Variants in MVB12B observed in about 807,000 individuals in gnomAD.
MVB12B encodes the protein multivesicular body subunit 12B.
A neutral mutation model predicts 41.6 loss-of-function variants in MVB12B; 16 were observed. That is an observed-to-expected ratio of 0.38 (90% CI 0.26 to 0.58). The LOEUF (loss-of-function observed/expected upper bound fraction) is 0.58. Among genes scored for constraint, MVB12B ranks in the 20% least tolerant of loss-of-function variants. MVB12B has a pLI of 0.62. For missense variants in MVB12B, 274 were observed against 380.2 expected (o/e 0.72, Z 2.32); for synonymous variants, 133 against 139.7 (o/e 0.95, Z 0.34).
intron 2 of MVB12B, among the ~76,000 whole-genome samples, chr9:126,366,902 A>G: frequency 6.6e-6 from 1 of 152,162 alleles, no homozygotes; most frequent in East Asian, 1.9e-4. Context: ...TGACCGGCTG[A>G]CACCTCAACC....
intron 9 of MVB12B, among the ~76,000 whole-genome samples, chr9:126,484,482 AGGTC>A (rs1177396645): frequency 8.6e-5 from 13 of 151,676 alleles, no homozygotes; most frequent in Admixed American, 2.0e-4. Flanking sequence ...GTGCTTCATG[AGGTC>A]AGGGTACCTT....
chr9:126,429,257 G>A (rs1418735621), intron 7 of MVB12B, among the ~76,000 whole-genome samples: 1 of 152,090 alleles, frequency 6.6e-6, no homozygotes, highest in East Asian at 1.9e-4. Context: ...ACAAAATCAA[G>A]TATAAAGAAA....
intron 7 of MVB12B, among the ~76,000 whole-genome samples, chr9:126,441,791 A>G (rs1564332043): frequency 6.6e-6 from 1 of 152,236 alleles, no homozygotes; most frequent in Non-Finnish European, 1.5e-5. Context: ...TAGAATATTT[A>G]GATGTAATTT....
Position 126,391,363 on chromosome 9 carries a change from G to A in MVB12B, c.410-703G>A, listed in dbSNP as rs959193782. ...TGATCTGGGAGGCCTGACACCCAGA[G>A]GCAGTGTTTCAGCATCCTGGGGATC... On this transcript the variant is annotated intron_variant, in intron 4 of 9. Coordinates refer to ENST00000361171, the MANE Select transcript of MVB12B (RefSeq NM_033446.3). The surrounding 1 kb of genome is among the most constrained non-coding windows in gnomAD (Gnocchi z 4.4). 6.6e-6 allele frequency among the ~76,000 whole-genome samples: 1 copy of A among 152,228 alleles called. No homozygotes were observed. Among genetic ancestry groups the A allele is most frequent in the Non-Finnish European group, 1.5e-5 (1 of 68,038 alleles).
At chr9:126,461,788 G>C (rs1171668924) in intron 7 of MVB12B, among the ~76,000 whole-genome samples, 1 of 152,156 alleles carries the variant, frequency 6.6e-6, no homozygotes, top group Non-Finnish European at 1.5e-5. Flanking sequence ...GGGTGGGCTG[G>C]TGGGTGTCCA....
At chr9:126,491,316 A>G (rs981691795) in intron 9 of MVB12B, among the ~76,000 whole-genome samples, 6 of 152,258 alleles carry the variant, frequency 3.9e-5, no homozygotes, top group Non-Finnish European at 5.9e-5. Context: ...TTTTGTATCA[A>G]TAATGAAATG....
intron 7 of MVB12B, among the ~76,000 whole-genome samples, chr9:126,479,878 T>G (rs1471357857): frequency 6.6e-6 from 1 of 152,260 alleles, no homozygotes; most frequent in African/African-American, 2.4e-5. Context: ...GAACGTAGCA[T>G]GAGCCATTCG....
chr9:126,388,916 A>T (rs1173951365), intron 4 of MVB12B, among the ~76,000 whole-genome samples: 1 of 152,004 alleles, frequency 6.6e-6, no homozygotes, highest in Non-Finnish European at 1.5e-5. Context: ...TAAAATTTGC[A>T]TTGGTGTTCG....
At chr9:126,361,832 C>T (rs142104079) in intron 2 of MVB12B, among the ~76,000 whole-genome samples, 218 of 150,246 alleles carry the variant, frequency 1.5e-3, no homozygotes, top group Middle Eastern at 6.9e-3. Context: ...GAGAATCACC[C>T]GAGCCCGGGA....
Position 126,486,340 on chromosome 9 carries a change from C to T in MVB12B, c.873+2308C>T, listed in dbSNP as rs1833618696. On this transcript the variant is annotated intron_variant, in intron 9 of 9. Coordinates refer to ENST00000361171, the MANE Select transcript of MVB12B (RefSeq NM_033446.3). This position sits in a 1 kb window ranked among gnomAD's most constrained non-coding sequence, Gnocchi z 4.7. Reference sequence around the variant, plus strand: ...GACAGCCCATTTGCATGGGGCCCTGCGTGTGGTGCAGCCCAGGGTATGTGA... The same window carrying T: ...GACAGCCCATTTGCATGGGGCCCTGTGTGTGGTGCAGCCCAGGGTATGTGA... Among the ~76,000 whole-genome samples the T allele has an allele frequency of 1.3e-5, 2 of 152,156 alleles. No individual in the cohort carries two copies. Among genetic ancestry groups the T allele is most frequent in the South Asian group, 2.1e-4 (1 of 4,834 alleles).
chr9:126,496,790 T>C (rs1833845104), intron 9 of MVB12B, among the ~76,000 whole-genome samples: 1 of 152,108 alleles, frequency 6.6e-6, no homozygotes. Flanking sequence ...TGGGAATCAC[T>C]TGCCCTGCTC....
In MVB12B at chr9:126,349,686, GTTTA is replaced by G. The variant is rs547633441; in HGVS notation, c.204+9060_204+9063del. ...AGAGAGTCTATTGTGTGGGTTAATA[GTTTA>G]TTTCTTTTTACTGATAAATAGTATT... On this transcript the variant is annotated intron_variant, in intron 2 of 9. Transcript: ENST00000361171. Among the ~76,000 whole-genome samples, 14 of 152,262 alleles carry G rather than the reference GTTTA, an allele frequency of 9.2e-5. No individual in the cohort carries two copies. In the South Asian group the frequency reaches 2.9e-3, roughly 32 times the overall value.
At chr9:126,344,041 T>C (rs546834263) in intron 2 of MVB12B, among the ~76,000 whole-genome samples, 2 of 147,576 alleles carry the variant, frequency 1.4e-5, no homozygotes, top group Non-Finnish European at 3.0e-5. Flanking sequence ...AATATACTTT[T>C]CTTGGTAAAA....
intron 5 of MVB12B, among the ~76,000 whole-genome samples, chr9:126,393,235 G>C (rs760395840): frequency 7.9e-5 from 12 of 152,234 alleles, no homozygotes; most frequent in Non-Finnish European, 1.8e-4. Context: ...CATCACAGAG[G>C]AGTTGGGGAG....
chr9:126,420,132 TC>T (rs1340567312), intron 6 of MVB12B, among the ~76,000 whole-genome samples: 1 of 152,182 alleles, frequency 6.6e-6, no homozygotes, highest in East Asian at 1.9e-4. Context: ...AATATATTGT[TC>T]CTTCTTTTCA....
At chr9:126,479,990 G>C (rs1833493673) in intron 7 of MVB12B, among the ~76,000 whole-genome samples, 1 of 152,030 alleles carries the variant, frequency 6.6e-6, no homozygotes, top group Non-Finnish European at 1.5e-5. Flanking sequence ...TTCTGTGTTA[G>C]GACTGAGAAA....
chr9:126,337,291 T>C (rs1010386949), intron 1 of MVB12B, among the ~76,000 whole-genome samples: 1 of 152,150 alleles, frequency 6.6e-6, no homozygotes, highest in Admixed American at 6.5e-5. Context: ...TGGATCTCCC[T>C]CATTAGGCCT....
At chr9:126,371,316 T>C (rs981436423) in intron 2 of MVB12B, among the ~76,000 whole-genome samples, 16 of 152,218 alleles carry the variant, frequency 1.1e-4, no homozygotes, top group Admixed American at 9.8e-4. Context: ...TCCTGATGAC[T>C]TGGAACAGGG....
intron 5 of MVB12B, among the ~76,000 whole-genome samples, chr9:126,394,574 A>G (rs1303427719): frequency 6.6e-6 from 1 of 152,198 alleles, no homozygotes; most frequent in Non-Finnish European, 1.5e-5. Flanking sequence ...TCTACATGTT[A>G]CTTTGCAAGG....
Sources: allele counts gnomAD v4.1 joint callset (sites outside exome capture counted in the v4.1 genomes callset), GRCh38; gene constraint gnomAD v4.1.1; non-coding constraint Gnocchi (gnomAD v3.1); transcripts MANE v1.5; gene names NCBI Gene and HGNC (gene_info 2026-07-23, HGNC 2026-07-21).